The following DYNC2H1 variants were observed in gnomAD, a reference collection of about 807,000 sequenced individuals.
DYNC2H1 encodes dynein cytoplasmic 2 heavy chain 1.
A neutral mutation model predicts 570.0 loss-of-function variants in DYNC2H1; 410 were observed. The ratio of observed to expected loss-of-function variants is 0.72; its 90% CI spans 0.66 to 0.78. The LOEUF is 0.78. DYNC2H1 is among the 30% of genes least tolerant of loss of function. The probability of loss-of-function intolerance (pLI) is 0.00; values close to 1 mark genes in which losing one functional copy is unlikely to be tolerated. For missense variants in DYNC2H1, 4,865 were observed against 5,046.4 expected, an observed-to-expected ratio of 0.96 and a Z score of 1.09; for synonymous variants, 1,688 against 1,677.6, an observed-to-expected ratio of 1.01 and a Z score of -0.15.
intron 84 of DYNC2H1, among the ~76,000 whole-genome samples, chr11:103,427,535 A>T (rs2135732214): frequency 6.6e-6 from 1 of 152,264 alleles, no homozygotes; most frequent in Non-Finnish European, 1.5e-5. Context: ...AATACTGTAG[A>T]CTAGGTAGCT....
intron 85 of DYNC2H1, among the ~76,000 whole-genome samples, chr11:103,453,077 A>G (rs918687710): frequency 1.9e-4 from 29 of 151,966 alleles, no homozygotes; most frequent in African/African-American, 6.8e-4. Context: ...CTATTTATTC[A>G]CTTACTTCCA....
rs1478842020 is a variant in DYNC2H1, at chr11:103,185,861, G to A, written c.6634-381G>A. Among the ~76,000 whole-genome samples the A allele has an allele frequency of 2.0e-5, 3 of 151,914 alleles. No individual in the cohort carries two copies. Among genetic ancestry groups the A allele is most frequent in the African/African-American group, 4.8e-5 (2 of 41,404 alleles). The stretch of plus-strand genomic sequence containing the variant: ...AGTATTAAAAAGAAGAATAACAGGT[G>A]GAGAGCAGTGGTAGTGACACTGTGA... On this transcript the variant is annotated intron_variant, in intron 41 of 88. Transcript: ENST00000375735. The surrounding 1 kb of genome is among the most constrained non-coding windows in gnomAD (Gnocchi z 4.5).
chr11:103,448,838 A>C (rs1944507161), intron 85 of DYNC2H1, among the ~76,000 whole-genome samples: 1 of 152,252 alleles, frequency 6.6e-6, no homozygotes, highest in Admixed American at 6.5e-5. Context: ...AAAGCAACAC[A>C]ATGAAGTCAT....
intron 84 of DYNC2H1, among the ~76,000 whole-genome samples, chr11:103,418,885 CAG>C (rs1943377927): frequency 6.6e-6 from 1 of 152,226 alleles, no homozygotes; most frequent in African/African-American, 2.4e-5. Context: ...GTCCGAAACA[CAG>C]AGCTGTGTGG....
rs1353808118 is a variant in DYNC2H1, at chr11:103,129,733, C to T, written c.1953+728C>T. Among the ~76,000 whole-genome samples, 3 of 151,822 alleles carry T rather than the reference C, an allele frequency of 2.0e-5. No homozygotes were observed. Among genetic ancestry groups the T allele is most frequent in the Non-Finnish European group, 2.9e-5 (2 of 67,924 alleles). ...AAGAAATTAGGAAAACCCATAATAGCGTTTAAACTGAATGTTACTATGTGA... is the reference window on the plus strand; with the variant it reads ...AAGAAATTAGGAAAACCCATAATAGTGTTTAAACTGAATGTTACTATGTGA... On this transcript the variant is annotated intron_variant, in intron 13 of 88. Coordinates refer to ENST00000375735, the MANE Select transcript of DYNC2H1 (RefSeq NM_001377.3). The surrounding 1 kb of genome is among the most constrained non-coding windows in gnomAD (Gnocchi z 4.1).
At chr11:103,124,468 A>AG (rs1458936848) in intron 11 of DYNC2H1, among the ~76,000 whole-genome samples, 2 of 139,770 alleles carry the variant, frequency 1.4e-5, no homozygotes, top group Non-Finnish European at 3.1e-5. Flanking sequence ...AAAAAAAAAA[A>AG]GCAGCATTAT....
At position 103,322,836 on chromosome 11, in the gene DYNC2H1, G is replaced by A. The variant is rs111716028; in HGVS notation, c.11935-1050G>A. 5.0e-3 allele frequency among the ~76,000 whole-genome samples: 756 copies of A among 152,246 alleles called. 4 individuals are homozygous for A. The highest frequency in any genetic ancestry group is 0.017 in the African/African-American group (725 of 41,560). ...CTGAATGTTTCCCACGATAATACAT[G>A]CACACATATATGCAAACATACACTC... On this transcript the variant is annotated intron_variant, in intron 81 of 88. Coordinates refer to ENST00000375735, the MANE Select transcript of DYNC2H1 (RefSeq NM_001377.3).
chr11:103,248,583 G>C (rs1327039823), intron 65 of DYNC2H1, among the ~76,000 whole-genome samples: 2 of 152,006 alleles, frequency 1.3e-5, no homozygotes, highest in Non-Finnish European at 2.9e-5. Flanking sequence ...GCCACTGCCT[G>C]GTTTAAATTT....
At chr11:103,218,900 T>A (rs12577233) in intron 55 of DYNC2H1, among the ~76,000 whole-genome samples, 16,943 of 152,256 alleles carry the variant, frequency 0.11, 979 homozygotes, top group Non-Finnish European at 0.12. Flanking sequence ...AAGAGATAGC[T>A]TAAATACCAA....
chr11:103,118,260 C>T (rs896332757), intron 6 of DYNC2H1, among the ~76,000 whole-genome samples: 5 of 151,798 alleles, frequency 3.3e-5, no homozygotes, highest in Non-Finnish European at 5.9e-5. Context: ...ATATATTCAG[C>T]TTACAGGGAC....
At chr11:103,224,235 C>A (rs2931807) in intron 59 of DYNC2H1, among the ~76,000 whole-genome samples, 152,176 of 152,178 alleles carry the variant, frequency 1, 76,087 homozygotes, top group Middle Eastern at 1. Flanking sequence ...AATGCAGACC[C>A]AAAGGTTTAT....
chr11:103,426,812 G>A (rs1303363599), intron 84 of DYNC2H1, among the ~76,000 whole-genome samples: 6 of 152,262 alleles, frequency 3.9e-5, no homozygotes, highest in Non-Finnish European at 7.4e-5. Context: ...AAATTAGTGC[G>A]ACTGCCTCAG....
In DYNC2H1 at chr11:103,256,438, G is replaced by A. The variant is rs779456583; in HGVS notation, c.10461+198G>A. On this transcript the variant is annotated intron_variant, in intron 68 of 88. Coordinates refer to ENST00000375735, the MANE Select transcript of DYNC2H1 (RefSeq NM_001377.3). The surrounding 1 kb of genome is among the most constrained non-coding windows in gnomAD (Gnocchi z 4.0). ...GATGTTGGCACACTGAGGATAAGGA[G>A]TGTTTGTCAGTATACCCTGCTGCCT... 2.0e-5 allele frequency among the ~76,000 whole-genome samples: 3 copies of A among 152,156 alleles called. No homozygotes were observed. The highest frequency in any genetic ancestry group is 4.4e-5 in the Non-Finnish European group (3 of 68,016).
chr11:103,229,061 A>C (rs1863904061), intron 59 of DYNC2H1, among the ~76,000 whole-genome samples: 1 of 152,180 alleles, frequency 6.6e-6, no homozygotes, highest in South Asian at 2.1e-4. Context: ...TGTAGTCTGC[A>C]GTCCTAAAGG....
chr11:103,423,940 A>T, intron 84 of DYNC2H1, among the ~76,000 whole-genome samples: 1 of 152,256 alleles, frequency 6.6e-6, no homozygotes, highest in South Asian at 2.1e-4. Context: ...AAATGAAATT[A>T]AGAACTTAAT....
At chr11:103,293,975 G>A in intron 75 of DYNC2H1, among the ~76,000 whole-genome samples, 1 of 152,112 alleles carries the variant, frequency 6.6e-6, no homozygotes, top group East Asian at 1.9e-4. Flanking sequence ...TACTTGGGAG[G>A]CTGAGGCAGG....
At position 103,263,043 on chromosome 11, in the gene DYNC2H1, AAAAG is replaced by A. The variant is rs1217899050; in HGVS notation, c.10695+3067_10695+3070del. 2.5e-4 allele frequency among the ~76,000 whole-genome samples: 37 copies of A among 150,342 alleles called. 1 individual carries two copies. The highest frequency in any genetic ancestry group is 8.9e-4 in the African/African-American group (36 of 40,542). On this transcript the variant is annotated intron_variant, in intron 70 of 88. Transcript: ENST00000375735. ...AAAGCAAAAAAAAAAAAAAAAAAAA[AAAAG>A]CAGGGTTTGCAATCCTAGTCTCTGA...
At chr11:103,429,188 G>A (rs915263781) in intron 84 of DYNC2H1, among the ~76,000 whole-genome samples, 5 of 151,930 alleles carry the variant, frequency 3.3e-5, no homozygotes, top group Non-Finnish European at 7.4e-5. Context: ...CTGAGCCTGG[G>A]AAGTCTAAGC....
intron 65 of DYNC2H1, among the ~76,000 whole-genome samples, chr11:103,251,979 A>C (rs1239617060): frequency 6.9e-6 from 1 of 145,468 alleles, no homozygotes; most frequent in Admixed American, 6.7e-5. Flanking sequence ...GCTTGAGTAC[A>C]GTGGTGTGAT....
Sources: allele counts gnomAD v4.1 joint callset (sites outside exome capture counted in the v4.1 genomes callset), GRCh38; gene constraint gnomAD v4.1.1; non-coding constraint Gnocchi (gnomAD v3.1); transcripts MANE v1.5; gene names NCBI Gene and HGNC (gene_info 2026-07-23, HGNC 2026-07-21).